Variants in MYOCD observed in about 807,000 individuals in gnomAD.
The protein encoded by MYOCD is myocardin.
Under a neutral mutation model 96.1 loss-of-function variants are expected in MYOCD, and 32 were observed. The ratio of observed to expected loss-of-function variants is 0.33; its 90% CI spans 0.25 to 0.45. The LOEUF (loss-of-function observed/expected upper bound fraction) is 0.45. Among genes scored for constraint, MYOCD ranks in the 20% least tolerant of loss-of-function variants. The pLI is 1.00. For synonymous variants in MYOCD, 469 were observed against 469.0 expected (o/e 1.00, Z 0.00); for missense variants, 1,133 against 1,200.6 (o/e 0.94, Z 0.83).
chr17:12,706,945 G>A (rs2031310170), intron 2 of MYOCD, among the ~76,000 whole-genome samples: 1 of 152,114 alleles, frequency 6.6e-6, no homozygotes, highest in Admixed American at 6.6e-5. Context: ...CTATGATGAA[G>A]GTTTTCCCCA....
At position 12,733,736 on chromosome 17, in the gene MYOCD, G is replaced by A. The variant is rs1034566448; in HGVS notation, c.416-2425G>A. On this transcript the variant is annotated intron_variant, in intron 5 of 13. Coordinates refer to ENST00000425538, the MANE Select transcript of MYOCD (RefSeq NM_001146312.3). ...ACAAAAATTAGCTGGGCATGGTGGC[G>A]CATGCCTGTAGTCCCAGCTACTTGG... Among the ~76,000 whole-genome samples, 36 of 152,102 alleles carry A rather than the reference G, an allele frequency of 2.4e-4. No individual in the cohort carries two copies. The South Asian group carries it at 4.8e-3, about 20-fold the overall frequency.
rs71144920 is a variant in MYOCD, at chr17:12,719,174, C to CAA, written c.253+1782_253+1783dup. 2.8e-3 allele frequency among the ~76,000 whole-genome samples: 140 copies of CAA among 49,158 alleles called. 14 individuals are homozygous for CAA. The highest frequency in any genetic ancestry group is 0.014 in the African/African-American group (117 of 8,286). The allele number at this position is 49,158 out of a possible 152,430, so 32.2% of individuals were successfully genotyped here. A position where few individuals can be genotyped will look rare whatever the true frequency, so the allele number is the denominator to read the frequency against. On this transcript the variant is annotated intron_variant, in intron 4 of 13. Transcript: ENST00000425538. ...GGGGCCACAGAGGGAGACTCTGTCT[C>CAA]AAAAAAAAAAAAAAAAAAAAAAAAA...
At chr17:12,761,999 T>A (rs1341772959) in intron 13 of MYOCD, 1 of 152,244 alleles carries the variant, frequency 6.6e-6, no homozygotes, top group East Asian at 1.9e-4. Flanking sequence ...TGTGGAAGAT[T>A]CAGGGGAAGA....
In MYOCD at chr17:12,724,541, A is replaced by C. The variant is rs137948121; in HGVS notation, c.415+1533A>C. ...TTTTTTTATATGGTCAATTTTACCTATAGCAGTTCCTAATTAATCTATAGT... is the reference window on the plus strand; with the variant it reads ...TTTTTTTATATGGTCAATTTTACCTCTAGCAGTTCCTAATTAATCTATAGT... On this transcript the variant is annotated intron_variant, in intron 5 of 13. Transcript: ENST00000425538. Among the ~76,000 whole-genome samples, 553 of 152,220 alleles carry C rather than the reference A, an allele frequency of 3.6e-3. 4 individuals carry two copies. The highest frequency in any genetic ancestry group is 0.012 in the African/African-American group (516 of 41,540).
At chr17:12,737,088 C>T (rs952600519) in intron 6 of MYOCD, among the ~76,000 whole-genome samples, 6 of 152,030 alleles carry the variant, frequency 3.9e-5, no homozygotes, top group African/African-American at 1.2e-4. Flanking sequence ...AACCCCGTCT[C>T]TACTAAAAAT....
intron 5 of MYOCD, among the ~76,000 whole-genome samples, chr17:12,733,862 T>G (rs2032254530): frequency 8.1e-6 from 1 of 122,742 alleles, no homozygotes; most frequent in African/African-American, 3.3e-5. Flanking sequence ...CAAGACTCCG[T>G]CTCAAAAAAA....
chr17:12,706,357 A>G (rs2031289494), intron 2 of MYOCD, among the ~76,000 whole-genome samples: 1 of 152,232 alleles, frequency 6.6e-6, no homozygotes. Context: ...GGCCTGTTTC[A>G]TCTTAGCCTT....
chr17:12,744,798 A>T (rs1301887345), intron 8 of MYOCD, among the ~76,000 whole-genome samples: 2 of 152,246 alleles, frequency 1.3e-5, no homozygotes, highest in African/African-American at 4.8e-5. Context: ...ATAGCTAGCA[A>T]TAATGTAGAA....
chr17:12,756,039 G>A (rs547242215), intron 10 of MYOCD, among the ~76,000 whole-genome samples: 5 of 152,162 alleles, frequency 3.3e-5, no homozygotes, highest in Non-Finnish European at 7.4e-5. Flanking sequence ...GAAGTGTCAC[G>A]TTAAAAAGTA....
At position 12,766,058 on chromosome 17, in the gene MYOCD, A is replaced by C. The variant is rs1458735828; in HGVS notation, c.*2414A>C. On this transcript the variant is annotated 3_prime_UTR_variant, in exon 14 of 14. Transcript: ENST00000425538. The stretch of plus-strand genomic sequence containing the variant: ...GAAGAAAACCTTATTAATACACTCC[A>C]CACATTTGTTCATTCCTCAGCTGTT... 1 of 152,196 alleles carries C rather than the reference A, an allele frequency of 6.6e-6. No individual in the cohort carries two copies. Among genetic ancestry groups the C allele is most frequent in the Non-Finnish European group, 1.5e-5 (1 of 68,038 alleles). 9.4% of individuals were successfully genotyped at this position (152,196 alleles called of 1,614,324 possible).
intron 2 of MYOCD, chr17:12,705,791 A>G (rs2150674415): frequency 6.6e-6 from 1 of 152,350 alleles, no homozygotes. Context: ...AGAAAAGGGT[A>G]CCCTGGATGA....
chr17:12,744,467 T>C (rs773213754), intron 8 of MYOCD, 31 bp downstream of exon 8: 3 of 1,574,616 alleles, frequency 1.9e-6, no homozygotes, highest in Admixed American at 1.9e-5. Context: ...AGGGTGGCTG[T>C]GGGCAGAGGT....
rs1289975912 is a variant in MYOCD, at chr17:12,766,613, A to G, written c.*2969A>G. ...TGTCTCCCATTGAGAATTTTATTTT[A>G]AATTCTTTTAAACTCTTCGTTGTGT... On this transcript the variant is annotated 3_prime_UTR_variant, in exon 14 of 14. Coordinates refer to ENST00000425538, the MANE Select transcript of MYOCD (RefSeq NM_001146312.3). 6.6e-6 allele frequency: 1 copy of G among 152,218 alleles called. No homozygotes were observed. Among genetic ancestry groups the G allele is most frequent in the Non-Finnish European group, 1.5e-5 (1 of 68,044 alleles). 9.4% of individuals were successfully genotyped at this position (152,218 alleles called of 1,614,324 possible). A position where few individuals can be genotyped will look rare whatever the true frequency, so the allele number is the denominator to read the frequency against.
At chr17:12,670,624 C>T (rs1909656189) in intron 1 of MYOCD, among the ~76,000 whole-genome samples, 1 of 152,176 alleles carries the variant, frequency 6.6e-6, no homozygotes, top group Admixed American at 6.5e-5. Context: ...GTACCTTTCC[C>T]ATGATATGTA....
At chr17:12,758,716 A>T (rs1362897812) in intron 12 of MYOCD, among the ~76,000 whole-genome samples, 1 of 152,200 alleles carries the variant, frequency 6.6e-6, no homozygotes, top group South Asian at 2.1e-4. Flanking sequence ...CTCTACTTTC[A>T]TTTGGATTTG....
chr17:12,718,248 C>A (rs1399318416), intron 4 of MYOCD, among the ~76,000 whole-genome samples: 1 of 152,102 alleles, frequency 6.6e-6, no homozygotes, highest in Admixed American at 6.5e-5. Flanking sequence ...CATTTACAAT[C>A]CAGCATGAAA....
rs1181143760 is a variant in MYOCD, at chr17:12,767,107, C to G, written c.*3463C>G. The G allele has an allele frequency of 3.9e-5, 6 of 152,040 alleles. No individual in the cohort carries two copies. Among genetic ancestry groups the G allele is most frequent in the African/African-American group, 1.4e-4 (6 of 41,410 alleles). The allele number at this position is 152,040 out of a possible 1,614,324, so 9.4% of individuals were successfully genotyped here. ...GGGAAGGAAAAAAGGGCCAAACTTT[C>G]TGATCTATGAACTTCTCAGTTCAGC... On this transcript the variant is annotated 3_prime_UTR_variant, in exon 14 of 14. Transcript: ENST00000425538.
At chr17:12,688,667 A>C (rs1466551582) in intron 1 of MYOCD, among the ~76,000 whole-genome samples, 3 of 122,348 alleles carry the variant, frequency 2.5e-5, no homozygotes, top group Non-Finnish European at 5.0e-5. Flanking sequence ...CATCCCCTTC[A>C]TTCATTCCTT....
rs905040825 is a variant in MYOCD at position 12,767,134 on chromosome 17, G to C, written c.*3490G>C. On this transcript the variant is annotated 3_prime_UTR_variant, in exon 14 of 14. Coordinates refer to ENST00000425538, the MANE Select transcript of MYOCD (RefSeq NM_001146312.3). Reference sequence around the variant, plus strand: ...GATCTATGAACTTCTCAGTTCAGCTGTCACATTATGAGAAGTAAATCAGAA... The same window carrying C: ...GATCTATGAACTTCTCAGTTCAGCTCTCACATTATGAGAAGTAAATCAGAA... 2 of 152,108 alleles carry C rather than the reference G, an allele frequency of 1.3e-5. No homozygotes were observed. Among genetic ancestry groups the C allele is most frequent in the African/African-American group, 4.8e-5 (2 of 41,448 alleles). 9.4% of individuals were successfully genotyped at this position (152,108 alleles called of 1,614,324 possible). A position where few individuals can be genotyped will look rare whatever the true frequency, so the allele number is the denominator to read the frequency against.
Sources: allele counts gnomAD v4.1 joint callset (sites outside exome capture counted in the v4.1 genomes callset), GRCh38; gene constraint gnomAD v4.1.1; transcripts MANE v1.5; gene names NCBI Gene and HGNC (gene_info 2026-07-23, HGNC 2026-07-21).